The following FOXP2 variants were observed in gnomAD, a reference collection of about 807,000 sequenced individuals.
FOXP2 encodes the protein forkhead box protein P2.
Under a neutral mutation model 115.8 loss-of-function variants are expected in FOXP2, and 12 were observed. The ratio of observed to expected loss-of-function variants is 0.10; its 90% CI spans 0.07 to 0.17. The LOEUF (loss-of-function observed/expected upper bound fraction) is 0.17. Ranked by LOEUF, FOXP2 falls within the 10% of genes least tolerant of loss-of-function variation. The pLI, the probability that FOXP2 is intolerant of heterozygous loss-of-function variation, is 1.00. For missense variants in FOXP2, 629 were observed against 843.5 expected (o/e 0.75, Z 3.15); for synonymous variants, 328 against 297.7 (o/e 1.10, Z -1.05).
rs185481561 is a variant in FOXP2 at position 114,503,696 on chromosome 7, C to T, written c.169-30921C>T. Among the ~76,000 whole-genome samples the T allele has an allele frequency of 3.5e-3, 530 of 151,168 alleles. 3 individuals are homozygous for T. Among genetic ancestry groups the T allele is most frequent in the Middle Eastern group, 0.01 (3 of 294 alleles). On this transcript the variant is annotated intron_variant, in intron 2 of 16. Transcript: ENST00000350908. ...GCCAAATTAATCCACCTTTTACCTG[C>T]TGTTAAAAGTTGTTTACTTTTTCCC...
chr7:114,179,152 A>G (rs761280272), intron 1 of FOXP2, among the ~76,000 whole-genome samples: 3 of 151,888 alleles, frequency 2.0e-5, no homozygotes, highest in African/African-American at 4.8e-5. Flanking sequence ...TCATGTTGCT[A>G]TTGCATTTCT....
At chr7:114,560,129 A>T (rs1449510581) in intron 3 of FOXP2, among the ~76,000 whole-genome samples, 2 of 152,298 alleles carry the variant, frequency 1.3e-5, no homozygotes, top group Non-Finnish European at 2.9e-5. Flanking sequence ...GAATGAGTAT[A>T]TAGTGTTAAA....
rs568627476 is a variant in FOXP2, at chr7:114,141,725, G to A, written c.-246-21219G>A. ...AATAAAGTTTGGAGGCACCACCACAGCAGTAGTGGCTGCATTTAGAATGTT... is the reference window on the plus strand; with the variant it reads ...AATAAAGTTTGGAGGCACCACCACAACAGTAGTGGCTGCATTTAGAATGTT... On this transcript the variant is annotated intron_variant, in intron 1 of 19. Coordinates refer to the FOXP2 transcript ENST00000635638. Among the ~76,000 whole-genome samples, 4 of 152,326 alleles carry A rather than the reference G, an allele frequency of 2.6e-5. No homozygotes were observed. In the East Asian group the frequency reaches 5.8e-4, roughly 22 times the overall value.
At chr7:114,262,363 G>C (rs1184298971) in intron 1 of FOXP2, among the ~76,000 whole-genome samples, 1 of 151,990 alleles carries the variant, frequency 6.6e-6, no homozygotes, top group African/African-American at 2.4e-5. Flanking sequence ...TTTGAGGCTT[G>C]GAGTGAGCTA....
intron 1 of FOXP2, among the ~76,000 whole-genome samples, chr7:114,142,044 G>A (rs1420132735): frequency 1.3e-5 from 2 of 151,124 alleles, no homozygotes; most frequent in African/African-American, 4.9e-5. Flanking sequence ...TTTTTTTTTA[G>A]ACTGAGTCTC....
At chr7:114,490,740 G>A (rs1797005044) in intron 2 of FOXP2, among the ~76,000 whole-genome samples, 1 of 152,080 alleles carries the variant, frequency 6.6e-6, no homozygotes. Context: ...CCACCTATGA[G>A]TGAGAATATG....
chr7:114,168,595 A>G (rs781218462), intron 1 of FOXP2, among the ~76,000 whole-genome samples: 16 of 152,230 alleles, frequency 1.1e-4, no homozygotes, highest in Non-Finnish European at 2.4e-4. Context: ...GAAGCAGAGC[A>G]TAAAAGTTTG....
chr7:114,569,212 C>G (rs1307469026), intron 3 of FOXP2, among the ~76,000 whole-genome samples: 1 of 151,794 alleles, frequency 6.6e-6, no homozygotes, highest in African/African-American at 2.4e-5. Context: ...AATCGTGTGG[C>G]TTGTTTTGAT....
intron 2 of FOXP2, among the ~76,000 whole-genome samples, chr7:114,515,526 G>A (rs1798293012): frequency 6.6e-6 from 1 of 152,166 alleles, no homozygotes; most frequent in Non-Finnish European, 1.5e-5. Context: ...CTTTGGAGAA[G>A]TGTCTGTTCA....
At chr7:114,300,871 A>G (rs1796864202) in intron 2 of FOXP2, among the ~76,000 whole-genome samples, 1 of 152,006 alleles carries the variant, frequency 6.6e-6, no homozygotes, top group African/African-American at 2.4e-5. Context: ...TTTCATTGTG[A>G]GAGATAATTT....
chr7:114,207,913 C>A (rs1329394632), intron 1 of FOXP2, among the ~76,000 whole-genome samples: 1 of 152,178 alleles, frequency 6.6e-6, no homozygotes, highest in African/African-American at 2.4e-5. Flanking sequence ...ATAATCCCAG[C>A]ATTTTGGGAA....
intron 1 of FOXP2, among the ~76,000 whole-genome samples, chr7:114,121,063 T>C (rs1459597721): frequency 1.3e-5 from 2 of 152,040 alleles, no homozygotes. Flanking sequence ...AATAAGAATA[T>C]TATGGACTGA....
chr7:114,273,908 G>A (rs999327741), intron 1 of FOXP2, among the ~76,000 whole-genome samples: 1 of 151,962 alleles, frequency 6.6e-6, no homozygotes, highest in Non-Finnish European at 1.5e-5. Context: ...CTCTGTCTTA[G>A]TTGGTGCATT....
At chr7:114,470,336 A>G (rs1226013893) in intron 2 of FOXP2, among the ~76,000 whole-genome samples, 2 of 152,162 alleles carry the variant, frequency 1.3e-5, no homozygotes, top group African/African-American at 2.4e-5. Context: ...GCTAGTTCCT[A>G]TCTATCTTCC....
chr7:114,478,910 G>T (rs1381219684), intron 2 of FOXP2, among the ~76,000 whole-genome samples: 1 of 151,578 alleles, frequency 6.6e-6, no homozygotes, highest in East Asian at 1.9e-4. Flanking sequence ...GTAAAGGCTT[G>T]TTACATCTAG....
intron 1 of FOXP2, among the ~76,000 whole-genome samples, chr7:114,418,288 A>G (rs1433919625): frequency 6.6e-6 from 1 of 151,976 alleles, no homozygotes. Flanking sequence ...ATTAAGATCT[A>G]TTGATGCAGG....
chr7:114,620,234 A>G (rs1804174877), intron 3 of FOXP2, among the ~76,000 whole-genome samples: 1 of 152,110 alleles, frequency 6.6e-6, no homozygotes, highest in African/African-American at 2.4e-5. Context: ...CAAGTGAAAT[A>G]CTGATTCCAA....
intron 2 of FOXP2, among the ~76,000 whole-genome samples, chr7:114,389,025 A>G (rs1442382530): frequency 1.3e-5 from 2 of 152,256 alleles, no homozygotes; most frequent in Non-Finnish European, 2.9e-5. Context: ...TACAGTAATT[A>G]TGAAATGTGG....
intron 2 of FOXP2, among the ~76,000 whole-genome samples, chr7:114,450,003 A>G (rs1337646599): frequency 6.6e-6 from 1 of 152,132 alleles, no homozygotes; most frequent in African/African-American, 2.4e-5. Context: ...TTGCAAATTA[A>G]TATAAAATTA....
Sources: gnomAD v4.1 joint callset for allele counts (sites outside exome capture counted in the v4.1 genomes callset) on GRCh38, gnomAD v4.1.1 for gene constraint, MANE v1.5 for transcripts, NCBI Gene and HGNC (gene_info 2026-07-23, HGNC 2026-07-21) for gene names.